RALYL: variants seen among roughly 807,000 people sequenced by gnomAD.
RALYL encodes the protein RNA-binding Raly-like protein.
RALYL carries 29 observed loss-of-function variants against 35.1 expected under a neutral mutation model. The observed-to-expected ratio is 0.83, with a 90% CI of 0.61 to 1.13. The LOEUF (loss-of-function observed/expected upper bound fraction) is 1.13, where lower values mean the gene tolerates loss of function less well. Among genes scored for constraint, RALYL ranks in the 50% most tolerant of loss-of-function variants. The pLI is 0.00. For missense variants in RALYL, 359 were observed against 360.4 expected, an observed-to-expected ratio of 1.00 and a Z score of 0.03; for synonymous variants, 120 against 127.6, an observed-to-expected ratio of 0.94 and a Z score of 0.40.
intron 2 of RALYL, among the ~76,000 whole-genome samples, chr8:84,626,533 G>C (rs1023918993): frequency 2.6e-5 from 4 of 152,092 alleles, no homozygotes; most frequent in Admixed American, 6.5e-5. Context: ...AAAAATTTAG[G>C]TTCTCTTTGA....
chr8:84,639,567 C>T (rs751946277), intron 2 of RALYL, among the ~76,000 whole-genome samples: 1 of 152,052 alleles, frequency 6.6e-6, no homozygotes, highest in East Asian at 1.9e-4. Context: ...GATAAGGGGT[C>T]CATTCAGTCT....
chr8:84,887,529 C>G lies in RALYL; in HGVS notation c.686-75C>G, dbSNP rs540295328. On this transcript the variant is annotated intron_variant, in intron 7 of 8. Coordinates refer to ENST00000521268, the MANE Select transcript of RALYL (RefSeq NM_173848.7). ...CATATAGCGTTTACCCTTTCATGGACTGTTTTTTCATGGTTTATCCAAATG... is the reference window on the plus strand; with the variant it reads ...CATATAGCGTTTACCCTTTCATGGAGTGTTTTTTCATGGTTTATCCAAATG... 98 of 1,330,818 alleles carry G rather than the reference C, an allele frequency of 7.4e-5. No homozygotes were observed. The South Asian group carries it at 1.3e-3, about 17-fold the overall frequency. 82.4% of individuals were successfully genotyped at this position (1,330,818 alleles called of 1,614,324 possible).
intron 2 of RALYL, among the ~76,000 whole-genome samples, chr8:84,560,958 G>A (rs1249980078): frequency 6.6e-6 from 1 of 152,004 alleles, no homozygotes; most frequent in East Asian, 1.9e-4. Context: ...GTGCAGCAAA[G>A]GAATCATCTT....
chr8:84,813,282 G>A (rs1342993615), intron 4 of RALYL, among the ~76,000 whole-genome samples: 1 of 152,168 alleles, frequency 6.6e-6, no homozygotes, highest in Non-Finnish European at 1.5e-5. Flanking sequence ...CCTGGGTCCT[G>A]CAGGAGCACT....
chr8:84,733,232 A>G (rs1174495608), intron 2 of RALYL, among the ~76,000 whole-genome samples: 2 of 152,166 alleles, frequency 1.3e-5, no homozygotes, highest in African/African-American at 4.8e-5. Context: ...ATATAGAGCA[A>G]TAGGCCCTTC....
intron 1 of RALYL, among the ~76,000 whole-genome samples, chr8:84,475,567 T>C (rs1339982226): frequency 6.6e-6 from 1 of 152,220 alleles, no homozygotes; most frequent in Non-Finnish European, 1.5e-5. Context: ...GATAGAAATA[T>C]GTGTTTAGAC....
chr8:84,622,038 G>A (rs1821641110), intron 2 of RALYL, among the ~76,000 whole-genome samples: 1 of 152,120 alleles, frequency 6.6e-6, no homozygotes, highest in Non-Finnish European at 1.5e-5. Flanking sequence ...TAACTTAAAT[G>A]TTTCAGTTAA....
chr8:84,767,606 G>T (rs980693751), intron 2 of RALYL, among the ~76,000 whole-genome samples: 5 of 152,246 alleles, frequency 3.3e-5, no homozygotes, highest in Middle Eastern at 3.4e-3. Context: ...AAGTGGGGGC[G>T]TGCCAGGCAT....
At chr8:84,307,400 A>T (rs1244773955) in intron 1 of RALYL, among the ~76,000 whole-genome samples, 1 of 152,234 alleles carries the variant, frequency 6.6e-6, no homozygotes, top group Non-Finnish European at 1.5e-5. Context: ...GTTAGCCCAG[A>T]TGAAACAGAA....
At chr8:84,311,665 A>G in intron 1 of RALYL, among the ~76,000 whole-genome samples, 2 of 152,074 alleles carry the variant, frequency 1.3e-5, no homozygotes, top group Middle Eastern at 3.4e-3. Flanking sequence ...TTATTTTAGT[A>G]CCTTATGTCA....
intron 1 of RALYL, among the ~76,000 whole-genome samples, chr8:84,360,241 T>C (rs1269001745): frequency 6.6e-6 from 1 of 152,200 alleles, no homozygotes; most frequent in East Asian, 1.9e-4. Flanking sequence ...TAGAGATTAC[T>C]TTTTGCAGCT....
At chr8:84,710,048 T>C (rs1396785914) in intron 2 of RALYL, among the ~76,000 whole-genome samples, 2 of 152,022 alleles carry the variant, frequency 1.3e-5, no homozygotes, top group African/African-American at 4.8e-5. Context: ...GTGACAGAGC[T>C]AGACTCCATC....
At position 84,873,266 on chromosome 8, in the gene RALYL, CTTCT is replaced by C; in HGVS notation, c.572-13_572-10del. The C allele has an allele frequency of 7.1e-7, 1 of 1,416,632 alleles. No individual in the cohort carries two copies. Among genetic ancestry groups the C allele is most frequent in the Non-Finnish European group, 9.8e-7 (1 of 1,021,300 alleles). 87.8% of individuals were successfully genotyped at this position (1,416,632 alleles called of 1,614,324 possible). A position where few individuals can be genotyped will look rare whatever the true frequency, so the allele number is the denominator to read the frequency against. On this transcript the variant is annotated splice_polypyrimidine_tract_variant and intron_variant, in intron 6 of 8. Coordinates refer to ENST00000521268, the MANE Select transcript of RALYL (RefSeq NM_173848.7). ...CATTTGATGCTCTGTTGTTTTCTTCCTTCTTTCTACTTTCCAGTGAAATCAGATG... is the reference window on the plus strand; with the variant it reads ...CATTTGATGCTCTGTTGTTTTCTTCCTTCTACTTTCCAGTGAAATCAGATG...
At chr8:84,910,303 A>G (rs950545541) in intron 8 of RALYL, among the ~76,000 whole-genome samples, 2 of 152,142 alleles carry the variant, frequency 1.3e-5, no homozygotes, top group Non-Finnish European at 2.9e-5. Flanking sequence ...CTGGAAATGA[A>G]GAAAAAGATG....
At chr8:84,485,522 A>T (rs1307195089) in intron 1 of RALYL, among the ~76,000 whole-genome samples, 1 of 152,122 alleles carries the variant, frequency 6.6e-6, no homozygotes, top group African/African-American at 2.4e-5. Context: ...CAGAGGTTGC[A>T]GTGAACTGAG....
chr8:84,394,948 T>C (rs143556899), intron 1 of RALYL, among the ~76,000 whole-genome samples: 1 of 152,088 alleles, frequency 6.6e-6, no homozygotes, highest in East Asian at 1.9e-4. Context: ...TTTTTGGCTT[T>C]AATATTAAAC....
At position 84,250,308 on chromosome 8, in the gene RALYL, T is replaced by C. The variant is rs188132133; in HGVS notation, c.-24+65884T>C. Among the ~76,000 whole-genome samples, 228 of 152,242 alleles carry C rather than the reference T, an allele frequency of 1.5e-3. 1 individual carries two copies. Among genetic ancestry groups the C allele is most frequent in the African/African-American group, 5.0e-3 (209 of 41,566 alleles). On this transcript the variant is annotated intron_variant, in intron 1 of 8. Coordinates refer to ENST00000521268, the MANE Select transcript of RALYL (RefSeq NM_173848.7). ...TGTGTCTTCCTCTTTTATACATATT[T>C]TGTTTAATTTATATTGAAATGCAGT...
intron 1 of RALYL, among the ~76,000 whole-genome samples, chr8:84,253,730 A>G (rs541850664): frequency 6.6e-6 from 1 of 152,188 alleles, no homozygotes; most frequent in East Asian, 1.9e-4. Flanking sequence ...TGAATTAGGA[A>G]ATCTCTCAGT....
At chr8:84,631,674 G>A (rs1368906152) in intron 2 of RALYL, among the ~76,000 whole-genome samples, 1 of 151,842 alleles carries the variant, frequency 6.6e-6, no homozygotes, top group Non-Finnish European at 1.5e-5. Flanking sequence ...GAGGAAGACT[G>A]AAAGTACTGG....
Sources: gnomAD v4.1 joint callset for allele counts (sites outside exome capture counted in the v4.1 genomes callset) on GRCh38, gnomAD v4.1.1 for gene constraint, MANE v1.5 for transcripts, NCBI Gene and HGNC (gene_info 2026-07-23, HGNC 2026-07-21) for gene names.